JRK: variants seen among roughly 807,000 people sequenced by gnomAD.
JRK encodes jerky protein homolog.
For synonymous variants in JRK, 303 were observed against 218.1 expected, an observed-to-expected ratio of 1.39 and a Z score of -3.43; for missense variants, 720 against 509.2, an observed-to-expected ratio of 1.41 and a Z score of -3.98.
rs1554635891 is a variant in JRK, at chr8:142,665,806, T to C, written c.253A>G (p.Lys85Glu). ...AGGACGCGGTCCAGGTGCTCCAGCT[T>C]GGGCGTGTGCAGCGTGCGCCGCTGC... ...LEQRRTLHTP[K>E]LEHLDRVLYE... The change falls in exon 2 of 2, where the codon AAG (lysine) becomes GAG (glutamate). Residue 85 changes from lysine (K) to glutamate (E), a missense_variant. By Grantham distance (56) the Lys-to-Glu change is moderately conservative. Coordinates refer to ENST00000612905, the MANE Select transcript of JRK (RefSeq NM_003724.4). The C allele has an allele frequency of 1.3e-6, 1 of 778,966 alleles. No individual in the cohort carries two copies. Among genetic ancestry groups the C allele is most frequent in the South Asian group, 1.3e-5 (1 of 74,406 alleles). 48.3% of individuals were successfully genotyped at this position (778,966 alleles called of 1,614,324 possible).
At position 142,664,257 on chromosome 8, in the gene JRK, C is replaced by T. The variant is rs1225837861; in HGVS notation, c.*95G>A. On this transcript the variant is annotated 3_prime_UTR_variant, in exon 2 of 2. Transcript: ENST00000612905. The stretch of plus-strand genomic sequence containing the variant: ...AAGGGCTCTTGAGTGTCTGCACATG[C>T]CCTCCTGCCTCAGGTGGGGTCGGGG... 1 of 1,444,796 alleles carries T rather than the reference C, an allele frequency of 6.9e-7. No individual in the cohort carries two copies. Among genetic ancestry groups the T allele is most frequent in the Non-Finnish European group, 9.1e-7 (1 of 1,095,980 alleles). 89.5% of individuals were successfully genotyped at this position (1,444,796 alleles called of 1,614,324 possible).
rs1355308365 is a variant in JRK at position 142,660,291 on chromosome 8, C to T, written c.*4061G>A. 3.0e-6 allele frequency: 3 copies of T among 985,712 alleles called. No homozygotes were observed. The highest frequency in any genetic ancestry group is 1.1e-4 in the East Asian group (1 of 8,834). The allele number at this position is 985,712 out of a possible 1,614,324, so 61.1% of individuals were successfully genotyped here. A position where few individuals can be genotyped will look rare whatever the true frequency, so the allele number is the denominator to read the frequency against. On this transcript the variant is annotated 3_prime_UTR_variant, in exon 2 of 2. Transcript: ENST00000612905. ...CCAGGCCCTGCCTCCCAGGCCACCA[C>T]CCACCCCTCACGGCTGCCACACCCA...
chr8:142,663,890 C>T lies in JRK; in HGVS notation c.*462G>A, dbSNP rs1035059801. The T allele has an allele frequency of 1.2e-5, 12 of 991,216 alleles. No homozygotes were observed. The South Asian group carries it at 5.6e-4, about 46-fold the overall frequency. The allele number at this position is 991,216 out of a possible 1,614,324, so 61.4% of individuals were successfully genotyped here. ...ACCCAACACGGGGATGGCCGCCAGC[C>T]CAGCAGATAGAGCCTTCTGAGACGA... On this transcript the variant is annotated 3_prime_UTR_variant, in exon 2 of 2. Coordinates refer to ENST00000612905, the MANE Select transcript of JRK (RefSeq NM_003724.4).
At position 142,660,651 on chromosome 8, in the gene JRK, C is replaced by T; in HGVS notation, c.*3701G>A. 6.2e-6 allele frequency: 6 copies of T among 960,002 alleles called. No individual in the cohort carries two copies. Among genetic ancestry groups the T allele is most frequent in the Non-Finnish European group, 7.4e-6 (6 of 807,582 alleles). The allele number at this position is 960,002 out of a possible 1,614,324, so 59.5% of individuals were successfully genotyped here. On this transcript the variant is annotated 3_prime_UTR_variant, in exon 2 of 2. Transcript: ENST00000612905. ...TCCTGAACTAAAGTGATCCTCCTGCCGTGGCCTTCCAGAGTACTGGGATTT... is the reference window on the plus strand; with the variant it reads ...TCCTGAACTAAAGTGATCCTCCTGCTGTGGCCTTCCAGAGTACTGGGATTT...
Position 142,667,369 on chromosome 8 carries a change from C to T in JRK, c.-462-849G>A, listed in dbSNP as rs1055496637. On this transcript the variant is annotated intron_variant, in intron 1 of 1. Transcript: ENST00000612905. Reference sequence around the variant, plus strand: ...TGAAACCCCAGGCTCTAGTGCTGCCCGCCCACCTGGCTCCACAACCACGGC... The same window carrying T: ...TGAAACCCCAGGCTCTAGTGCTGCCTGCCCACCTGGCTCCACAACCACGGC... 1.1e-4 allele frequency among the ~76,000 whole-genome samples: 17 copies of T among 152,228 alleles called. No homozygotes were observed. In the South Asian group the frequency reaches 2.1e-3, roughly 19 times the overall value.
At position 142,666,534 on chromosome 8, in the gene JRK, G is replaced by A; in HGVS notation, c.-462-14C>T. 3 of 249,470 alleles carry A rather than the reference G, an allele frequency of 1.2e-5. No homozygotes were observed. The highest frequency in any genetic ancestry group is 1.6e-5 in the Non-Finnish European group (2 of 125,036). The allele number at this position is 249,470 out of a possible 1,614,324, so 15.5% of individuals were successfully genotyped here. A position where few individuals can be genotyped will look rare whatever the true frequency, so the allele number is the denominator to read the frequency against. On this transcript the variant is annotated splice_polypyrimidine_tract_variant and intron_variant, in intron 1 of 1. Coordinates refer to ENST00000612905, the MANE Select transcript of JRK (RefSeq NM_003724.4). ...GCACTTCAGGGGCTGGAAAGCAGAG[G>A]GAACAGAGAGGAAAGTGATGGGGCG...
chr8:142,669,228 T>G (rs1847241366), intron 1 of JRK, among the ~76,000 whole-genome samples: 1 of 141,340 alleles, frequency 7.1e-6, no homozygotes, highest in Non-Finnish European at 1.5e-5. Context: ...GTATGGAGGA[T>G]ATGAAGGAGA....
chr8:142,659,534 A>G lies in JRK; in HGVS notation c.*4818T>C. The G allele has an allele frequency of 3.0e-6, 3 of 985,720 alleles. No individual in the cohort carries two copies. The highest frequency in any genetic ancestry group is 3.6e-6 in the Non-Finnish European group (3 of 830,148). 61.1% of individuals were successfully genotyped at this position (985,720 alleles called of 1,614,324 possible). On this transcript the variant is annotated 3_prime_UTR_variant, in exon 2 of 2. Transcript: ENST00000612905. ...AGCCATGGCCAGTGGGCCTCCCACA[A>G]TCTGCCCCTGGGTGCAGGGCCTTGA...
downstream of JRK, among the ~76,000 whole-genome samples, chr8:142,655,442 G>A (rs1846730167): frequency 6.6e-6 from 1 of 152,220 alleles, no homozygotes; most frequent in Non-Finnish European, 1.5e-5. Flanking sequence ...GGGAAAGCAG[G>A]ACACAGCAGC....
Position 142,664,154 on chromosome 8 carries a change from A to G in JRK, c.*198T>C. 1 of 1,340,080 alleles carries G rather than the reference A, an allele frequency of 7.5e-7. No homozygotes were observed. Among genetic ancestry groups the G allele is most frequent in the Non-Finnish European group, 9.5e-7 (1 of 1,048,356 alleles). The allele number at this position is 1,340,080 out of a possible 1,614,324, so 83.0% of individuals were successfully genotyped here. A position where few individuals can be genotyped will look rare whatever the true frequency, so the allele number is the denominator to read the frequency against. On this transcript the variant is annotated 3_prime_UTR_variant, in exon 2 of 2. Coordinates refer to ENST00000612905, the MANE Select transcript of JRK (RefSeq NM_003724.4). ...CGGATGACACGGCAAGTGATAAAAT[A>G]AAACCTGTATTGACAGGAACCTCGG...
chr8:142,649,096 G>C, the JRK span, among the ~76,000 whole-genome samples: 1 of 152,198 alleles, frequency 6.6e-6, no homozygotes, highest in Non-Finnish European at 1.5e-5. Flanking sequence ...TACCCCCATT[G>C]TATCTAGGAA....
chr8:142,669,662 G>A (rs1554636950), intron 1 of JRK, among the ~76,000 whole-genome samples: 1 of 151,922 alleles, frequency 6.6e-6, no homozygotes, highest in Non-Finnish European at 1.5e-5. Flanking sequence ...AGGGGTGGGT[G>A]CGGCTCGGGG....
downstream of JRK, among the ~76,000 whole-genome samples, chr8:142,657,187 G>A (rs1273452021): frequency 3.9e-5 from 6 of 152,204 alleles, no homozygotes; most frequent in African/African-American, 1.2e-4. Context: ...TGCACTGCTA[G>A]ATGAGTCCTA....
At chr8:142,644,794 A>T in the JRK span, among the ~76,000 whole-genome samples, 23 of 152,348 alleles carry the variant, frequency 1.5e-4, no homozygotes, top group East Asian at 4.2e-3. Flanking sequence ...GTTTTTCAAA[A>T]TTTTATAAAC....
chr8:142,652,589 G>C (rs1261816284), downstream of JRK, among the ~76,000 whole-genome samples: 1 of 148,082 alleles, frequency 6.8e-6, no homozygotes, highest in Non-Finnish European at 1.5e-5. Flanking sequence ...AGGAGACAGG[G>C]AGGGGCTCAT....
Position 142,664,447 on chromosome 8 carries a change from C to T in JRK, c.1612G>A (p.Val538Met), listed in dbSNP as rs1286471776. ...VRRRRGALGAVVKVEALQEGP... is the reference protein window; with the variant it reads ...VRRRRGALGAMVKVEALQEGP... ...TCCTGGAGGGCTTCAACCTTGACCA[C>T]AGCCCCGAGGGCACCACGCCGCCTC... is the stretch of plus-strand genomic sequence containing the variant. The change falls in exon 2 of 2, where the codon GTG (valine) becomes ATG (methionine). Residue 538 changes from valine (V) to methionine (M), a missense_variant. Val to Met is a conservative substitution (Grantham distance 21, BLOSUM62 1). Coordinates refer to ENST00000612905, the MANE Select transcript of JRK (RefSeq NM_003724.4). The T allele has an allele frequency of 1.9e-6, 3 of 1,611,494 alleles. No homozygotes were observed. The highest frequency in any genetic ancestry group is 2.7e-5 in the African/African-American group (2 of 74,914).
rs1016185669 is a variant in JRK at position 142,662,528 on chromosome 8, A to G, written c.*1824T>C. On this transcript the variant is annotated 3_prime_UTR_variant, in exon 2 of 2. Transcript: ENST00000612905. ...CAGTGCGGGTGACACCACAAAGACA[A>G]TGGGACACAAATGGGAACTGGGACT... The G allele has an allele frequency of 1.0e-5, 10 of 985,346 alleles. No individual in the cohort carries two copies. In the African/African-American group the frequency reaches 1.4e-4, roughly 14 times the overall value. The allele number at this position is 985,346 out of a possible 1,614,324, so 61.0% of individuals were successfully genotyped here. A position where few individuals can be genotyped will look rare whatever the true frequency, so the allele number is the denominator to read the frequency against.
At position 142,666,514 on chromosome 8, in the gene JRK, T is replaced by C. The variant is rs1419531844; in HGVS notation, c.-456A>G. On this transcript the variant is annotated 5_prime_UTR_variant, in exon 2 of 2. Transcript: ENST00000612905. Reference sequence around the variant, plus strand: ...CAATGGTATCTCCAGGCACAGCACTTCAGGGGCTGGAAAGCAGAGGGAACA... The same window carrying C: ...CAATGGTATCTCCAGGCACAGCACTCCAGGGGCTGGAAAGCAGAGGGAACA... 2.2e-5 allele frequency: 6 copies of C among 271,026 alleles called. No homozygotes were observed. In the East Asian group the frequency reaches 4.6e-4, roughly 21 times the overall value. 16.8% of individuals were successfully genotyped at this position (271,026 alleles called of 1,614,324 possible).
At position 142,660,061 on chromosome 8, in the gene JRK, C is replaced by T. The variant is rs1224560245; in HGVS notation, c.*4291G>A. On this transcript the variant is annotated 3_prime_UTR_variant, in exon 2 of 2. Transcript: ENST00000612905. ...GGGAGGCTGGTGGCTGCCATGGCTGCAGCTCCTGGCCCTGCGGACAGCCAG... is the reference window on the plus strand; with the variant it reads ...GGGAGGCTGGTGGCTGCCATGGCTGTAGCTCCTGGCCCTGCGGACAGCCAG... 5.1e-6 allele frequency: 5 copies of T among 985,682 alleles called. No homozygotes were observed. Among genetic ancestry groups the T allele is most frequent in the Admixed American group, 1.2e-4 (2 of 16,280 alleles). 61.1% of individuals were successfully genotyped at this position (985,682 alleles called of 1,614,324 possible). A position where few individuals can be genotyped will look rare whatever the true frequency, so the allele number is the denominator to read the frequency against.
Sources: gnomAD v4.1 joint callset for allele counts (sites outside exome capture counted in the v4.1 genomes callset) on GRCh38, gnomAD v4.1.1 for gene constraint, MANE v1.5 for transcripts, NCBI Gene and HGNC (gene_info 2026-07-23, HGNC 2026-07-21) for gene names.